Variants in SHISA6 observed in about 807,000 individuals in gnomAD.
SHISA6 encodes the protein shisa family member 6.
SHISA6 carries 22 observed loss-of-function variants against 47.9 expected under a neutral mutation model. The observed-to-expected ratio is 0.46, with a 90% CI of 0.33 to 0.66. The LOEUF (loss-of-function observed/expected upper bound fraction) is 0.66. SHISA6 is among the 30% of genes least tolerant of loss of function. The pLI is 0.02. For missense variants in SHISA6, 680 were observed against 764.6 expected, an observed-to-expected ratio of 0.89 and a Z score of 1.30; for synonymous variants, 388 against 337.8, an observed-to-expected ratio of 1.15 and a Z score of -1.63.
chr17:11,262,689 G>A (rs1236571657), intron 1 of SHISA6, among the ~76,000 whole-genome samples: 1 of 152,150 alleles, frequency 6.6e-6, no homozygotes, highest in East Asian at 1.9e-4. Flanking sequence ...CTTGCAGGGG[G>A]GCGGGTCTCT....
chr17:11,421,802 G>A (rs1914458140), intron 3 of SHISA6, among the ~76,000 whole-genome samples: 1 of 152,188 alleles, frequency 6.6e-6, no homozygotes, highest in South Asian at 2.1e-4. Context: ...GAGTAGATTG[G>A]AGAGTATGAC....
chr17:11,385,311 G>A (rs1241512525), intron 3 of SHISA6, among the ~76,000 whole-genome samples: 3 of 152,218 alleles, frequency 2.0e-5, no homozygotes, highest in Non-Finnish European at 2.9e-5. Flanking sequence ...TGTGTGGGGC[G>A]CAGCAATGAG....
rs148451585 is a variant in SHISA6 at position 11,259,224 on chromosome 17, C to T, written c.639-4142C>T. Among the ~76,000 whole-genome samples, 755 of 152,184 alleles carry T rather than the reference C, an allele frequency of 5.0e-3. 7 individuals carry two copies. The highest frequency in any genetic ancestry group is 0.017 in the African/African-American group (718 of 41,534). ...GGATAATCCAGTGGTATATAGTCAG[C>T]CCCTGTAGTTTAACCTACCTATGTT... On this transcript the variant is annotated intron_variant, in intron 1 of 5. Transcript: ENST00000441885.
intron 2 of SHISA6, among the ~76,000 whole-genome samples, chr17:11,352,683 T>C (rs1010874174): frequency 6.6e-6 from 1 of 152,136 alleles, no homozygotes; most frequent in South Asian, 2.1e-4. Context: ...GCTGTCTCCC[T>C]GGGGCTGAGC....
chr17:11,473,707 TTC>T (rs1409620585), intron 3 of SHISA6, among the ~76,000 whole-genome samples: 1 of 152,120 alleles, frequency 6.6e-6, no homozygotes, highest in African/African-American at 2.4e-5. Flanking sequence ...GATAACCTCT[TTC>T]TCTCTCTCCT....
At chr17:11,499,739 T>C (rs546208802) in intron 3 of SHISA6, among the ~76,000 whole-genome samples, 4 of 151,136 alleles carry the variant, frequency 2.6e-5, no homozygotes, top group Non-Finnish European at 5.9e-5. Context: ...TCTCACTCTG[T>C]TGCCCAGGCT....
chr17:11,298,767 T>G (rs1236217525), intron 2 of SHISA6, among the ~76,000 whole-genome samples: 1 of 152,160 alleles, frequency 6.6e-6, no homozygotes, highest in East Asian at 1.9e-4. Context: ...CACTAACAAA[T>G]GACTCCCAGT....
At chr17:11,406,185 A>G (rs1452934834) in intron 3 of SHISA6, among the ~76,000 whole-genome samples, 3 of 152,196 alleles carry the variant, frequency 2.0e-5, no homozygotes, top group Non-Finnish European at 4.4e-5. Context: ...CCACATAGGC[A>G]GTGGTACGTG....
Position 11,555,761 on chromosome 17 carries a change from T to C in SHISA6, c.974T>C (p.Ile325Thr). Reference sequence around the variant, plus strand: ...GCAGAGAAGCCACGGATGAACAACATCCTGACATCAGCCACCGAGCCCTAT... The same window carrying C: ...GCAGAGAAGCCACGGATGAACAACACCCTGACATCAGCCACCGAGCCCTAT... ...PPHEKPRMNN[I>T]LTSATEPYDL... Residue 325 changes from isoleucine to threonine, a missense_variant, in exon 5 of 6, where the codon ATC (isoleucine) becomes ACC (threonine). Physicochemically the swap from Ile to Thr is moderately conservative, Grantham distance 89. Coordinates refer to ENST00000441885, the MANE Select transcript of SHISA6 (RefSeq NM_207386.4). The C allele has an allele frequency of 1.3e-6, 2 of 1,548,116 alleles. No homozygotes were observed. The highest frequency in any genetic ancestry group is 8.7e-7 in the Non-Finnish European group (1 of 1,145,650).
At chr17:11,481,180 G>A (rs1916203583) in intron 3 of SHISA6, among the ~76,000 whole-genome samples, 1 of 152,000 alleles carries the variant, frequency 6.6e-6, no homozygotes, top group Non-Finnish European at 1.5e-5. Context: ...TCAGGAAACT[G>A]AGGCAGGAGA....
chr17:11,300,765 C>T (rs1442593073), intron 2 of SHISA6, among the ~76,000 whole-genome samples: 3 of 151,300 alleles, frequency 2.0e-5, no homozygotes, highest in African/African-American at 7.3e-5. Flanking sequence ...ATTTCAATTC[C>T]CCGGCATACT....
At chr17:11,418,529 C>A (rs1329307886) in intron 3 of SHISA6, among the ~76,000 whole-genome samples, 1 of 152,174 alleles carries the variant, frequency 6.6e-6, no homozygotes, top group African/African-American at 2.4e-5. Context: ...TGGCAACCCT[C>A]TTAACTAACA....
At chr17:11,422,052 G>A (rs927780669) in intron 3 of SHISA6, among the ~76,000 whole-genome samples, 17 of 152,134 alleles carry the variant, frequency 1.1e-4, no homozygotes, top group Admixed American at 6.5e-4. Context: ...TCTGTGTGAC[G>A]TCAACTCTCT....
chr17:11,388,227 C>T (rs1026517504), intron 3 of SHISA6, among the ~76,000 whole-genome samples: 4 of 152,206 alleles, frequency 2.6e-5, no homozygotes, highest in African/African-American at 9.6e-5. Context: ...CTAGATAAAG[C>T]GCAGCACTCA....
intron 4 of SHISA6, among the ~76,000 whole-genome samples, chr17:11,553,852 G>A (rs1310750553): frequency 6.6e-6 from 1 of 152,226 alleles, no homozygotes; most frequent in African/African-American, 2.4e-5. Flanking sequence ...CAGGCTTAAA[G>A]AACAGATATT....
At position 11,557,701 on chromosome 17, in the gene SHISA6, C is replaced by T. The variant is rs887776776; in HGVS notation, c.1106-53C>T. The T allele has an allele frequency of 4.1e-6, 6 of 1,480,896 alleles. No individual in the cohort carries two copies. In the East Asian group the frequency reaches 1.5e-4, roughly 37 times the overall value. 91.7% of individuals were successfully genotyped at this position (1,480,896 alleles called of 1,614,324 possible). On this transcript the variant is annotated intron_variant, in intron 5 of 5. Transcript: ENST00000441885. Reference sequence around the variant, plus strand: ...AGCGGGGCAGGGTTCTATCTGAGTCCTGGCTGCAGGGTCACCCCAGTTGCC... The same window carrying T: ...AGCGGGGCAGGGTTCTATCTGAGTCTTGGCTGCAGGGTCACCCCAGTTGCC...
At chr17:11,424,374 A>G (rs552717801) in intron 3 of SHISA6, among the ~76,000 whole-genome samples, 1 of 152,374 alleles carries the variant, frequency 6.6e-6, no homozygotes, top group African/African-American at 2.4e-5. Flanking sequence ...ATCATCAACC[A>G]TCAATTTATA....
At chr17:11,285,342 G>A (rs954854722) in intron 2 of SHISA6, among the ~76,000 whole-genome samples, 10 of 152,150 alleles carry the variant, frequency 6.6e-5, no homozygotes, top group Admixed American at 4.6e-4. Context: ...AGTTGCTGCC[G>A]TTTGCTTTCT....
chr17:11,310,846 C>T (rs1334693748), intron 2 of SHISA6, among the ~76,000 whole-genome samples: 2 of 151,206 alleles, frequency 1.3e-5, no homozygotes, highest in African/African-American at 4.9e-5. Flanking sequence ...CTGTGGCTCA[C>T]GCCTGTAATC....
Sources: gnomAD v4.1 joint callset for allele counts (sites outside exome capture counted in the v4.1 genomes callset) on GRCh38, gnomAD v4.1.1 for gene constraint, MANE v1.5 for transcripts, NCBI Gene and HGNC (gene_info 2026-07-23, HGNC 2026-07-21) for gene names.